AGMO: variants seen among roughly 807,000 people sequenced by gnomAD.
The protein encoded by AGMO is glyceryl-ether monooxygenase.
In AGMO, 75 loss-of-function variants were observed where a neutral mutation model predicts 60.2. The ratio of observed to expected loss-of-function variants is 1.25; its 90% CI spans 1.03 to 1.51. The LOEUF is 1.51. AGMO is among the 40% of genes most tolerant of loss of function. The pLI is 0.00. For missense variants in AGMO, 763 were observed against 525.5 expected (o/e 1.45, Z -4.42); for synonymous variants, 261 against 177.1 (o/e 1.47, Z -3.76).
the AGMO span, among the ~76,000 whole-genome samples, chr7:15,159,919 G>C: frequency 6.6e-6 from 1 of 152,152 alleles, no homozygotes; most frequent in Non-Finnish European, 1.5e-5. Context: ...CAGATCCGAT[G>C]TATTTCTCTG....
At chr7:15,184,844 AG>A in the AGMO span, among the ~76,000 whole-genome samples, 1 of 73,200 alleles carries the variant, frequency 1.4e-5, no homozygotes, top group African/African-American at 5.3e-5. Flanking sequence ...GAAGGAAAGA[AG>A]GGAAAGAAGG....
At chr7:15,356,236 T>C (rs529585077) in intron 12 of AGMO, among the ~76,000 whole-genome samples, 1 of 152,284 alleles carries the variant, frequency 6.6e-6, no homozygotes, top group African/African-American at 2.4e-5. Flanking sequence ...ACATGCAATG[T>C]GCACTAGATG....
intron 3 of AGMO, among the ~76,000 whole-genome samples, chr7:15,499,489 C>T (rs370771622): frequency 6.6e-6 from 1 of 151,810 alleles, no homozygotes; most frequent in African/African-American, 2.4e-5. Context: ...AAAAGCTCAA[C>T]AATACACACT....
At chr7:15,380,933 A>G (rs761918064) in intron 10 of AGMO, among the ~76,000 whole-genome samples, 21 of 152,338 alleles carry the variant, frequency 1.4e-4, no homozygotes, top group Admixed American at 5.2e-4. Flanking sequence ...CAATGGGGAA[A>G]GGATTCCCTA....
chr7:15,486,714 G>A (rs1188895139), intron 3 of AGMO, among the ~76,000 whole-genome samples: 1 of 152,090 alleles, frequency 6.6e-6, no homozygotes, highest in African/African-American at 2.4e-5. Flanking sequence ...GTTCGCTTTA[G>A]ATTTCTAAGA....
intron 3 of AGMO, among the ~76,000 whole-genome samples, chr7:15,515,068 G>A (rs1487550985): frequency 1.3e-5 from 2 of 152,166 alleles, no homozygotes; most frequent in African/African-American, 2.4e-5. Flanking sequence ...AGGCACGGGA[G>A]GAAGTTAAAC....
At chr7:15,238,325 G>A (rs1782488410) in intron 12 of AGMO, among the ~76,000 whole-genome samples, 1 of 151,690 alleles carries the variant, frequency 6.6e-6, no homozygotes, top group African/African-American at 2.4e-5. Context: ...TAAACAGAAG[G>A]AATAAGTTAT....
chr7:15,551,732 G>A (rs1422793968), intron 2 of AGMO, among the ~76,000 whole-genome samples: 2 of 151,364 alleles, frequency 1.3e-5, no homozygotes, highest in Non-Finnish European at 2.9e-5. Flanking sequence ...TCGTGAAAAT[G>A]GCCATACTGC....
At chr7:15,389,374 A>G (rs1226612795) in intron 8 of AGMO, among the ~76,000 whole-genome samples, 1 of 152,182 alleles carries the variant, frequency 6.6e-6, no homozygotes, top group African/African-American at 2.4e-5. Context: ...TCAGTGTACC[A>G]TTTCTCAATT....
chr7:15,335,060 G>T (rs955340992), intron 12 of AGMO, among the ~76,000 whole-genome samples: 1 of 152,092 alleles, frequency 6.6e-6, no homozygotes, highest in African/African-American at 2.4e-5. Context: ...ACTCACATTT[G>T]TATGGCTTGG....
chr7:15,290,204 T>C (rs1784222590), intron 12 of AGMO, among the ~76,000 whole-genome samples: 1 of 151,924 alleles, frequency 6.6e-6, no homozygotes, highest in South Asian at 2.1e-4. Flanking sequence ...AATTTTTGTA[T>C]TTTCAGTACA....
chr7:15,508,571 TA>T (rs1303993513), intron 3 of AGMO, among the ~76,000 whole-genome samples: 4 of 152,020 alleles, frequency 2.6e-5, no homozygotes, highest in Admixed American at 1.3e-4. Context: ...GAGATAAGAA[TA>T]TGACAACACC....
At chr7:15,354,473 C>G (rs191465125) in intron 12 of AGMO, among the ~76,000 whole-genome samples, 2 of 17,112 alleles carry the variant, frequency 1.2e-4, no homozygotes, top group South Asian at 3.2e-3. Flanking sequence ...TGTGTGTATA[C>G]ACACGTGTGT....
In AGMO at chr7:15,555,292, TACACACACAC is replaced by T. The variant is rs58173194; in HGVS notation, c.257+4839_257+4848del. Reference sequence around the variant, plus strand: ...GATCATATATATATATATATATATATACACACACACACACACACACACACACACACACACA... The same window carrying T: ...GATCATATATATATATATATATATATACACACACACACACACACACACACA... On this transcript the variant is annotated intron_variant, in intron 2 of 12. Coordinates refer to ENST00000342526, the MANE Select transcript of AGMO (RefSeq NM_001004320.2). Among the ~76,000 whole-genome samples the T allele has an allele frequency of 8.6e-3, 824 of 95,778 alleles. 9 individuals carry two copies. The highest frequency in any genetic ancestry group is 0.029 in the African/African-American group (661 of 23,058). The allele number at this position is 95,778 out of a possible 152,430, so 62.8% of individuals were successfully genotyped here. A position where few individuals can be genotyped will look rare whatever the true frequency, so the allele number is the denominator to read the frequency against.
At chr7:15,170,540 C>A in the AGMO span, among the ~76,000 whole-genome samples, 1 of 151,866 alleles carries the variant, frequency 6.6e-6, no homozygotes. Flanking sequence ...CTAACCAAGG[C>A]TTATATTTAT....
At chr7:15,137,718 G>A in the AGMO span, among the ~76,000 whole-genome samples, 1 of 152,152 alleles carries the variant, frequency 6.6e-6, no homozygotes, top group Non-Finnish European at 1.5e-5. Flanking sequence ...ATCATGTTGA[G>A]GAGGTCCTTG....
Position 15,354,315 on chromosome 7 carries a change from C to CGT in AGMO, c.1263+11197_1263+11198dup, listed in dbSNP as rs1554422487. Among the ~76,000 whole-genome samples the CGT allele has an allele frequency of 4.4e-3, 212 of 48,464 alleles. 21 individuals carry two copies. Among genetic ancestry groups the CGT allele is most frequent in the Non-Finnish European group, 6.0e-3 (168 of 28,036 alleles). 31.8% of individuals were successfully genotyped at this position (48,464 alleles called of 152,430 possible). The stretch of plus-strand genomic sequence containing the variant: ...ATAAATATATATACGTGTATACACG[C>CGT]GTGTATATACGTACGCGTGTATATA... On this transcript the variant is annotated intron_variant, in intron 12 of 12. Transcript: ENST00000342526.
chr7:15,471,854 A>C (rs1782457434), intron 3 of AGMO, among the ~76,000 whole-genome samples: 1 of 151,920 alleles, frequency 6.6e-6, no homozygotes, highest in African/African-American at 2.4e-5. Flanking sequence ...AAGCTTAAAA[A>C]CAAATGGGAT....
At chr7:15,278,057 A>C (rs114308985) in intron 12 of AGMO, among the ~76,000 whole-genome samples, 3,390 of 152,216 alleles carry the variant, frequency 0.022, 126 homozygotes, top group African/African-American at 0.078. Context: ...CATGACTCTC[A>C]GGTTAGATGC....
Sources: allele counts gnomAD v4.1 joint callset (sites outside exome capture counted in the v4.1 genomes callset), GRCh38; gene constraint gnomAD v4.1.1; transcripts MANE v1.5; gene names NCBI Gene and HGNC (gene_info 2026-07-23, HGNC 2026-07-21).